GALNT9: variants seen among roughly 807,000 people sequenced by gnomAD.
The protein encoded by GALNT9 is GalNAc transferase 9.
GALNT9 carries 47 observed loss-of-function variants against 63.1 expected under a neutral mutation model. The ratio of observed to expected loss-of-function variants is 0.75; its 90% confidence interval spans 0.59 to 0.95. GALNT9 has a LOEUF of 0.95. GALNT9 is among the 40% of genes least tolerant of loss of function. GALNT9 has a pLI of 0.00. For missense variants in GALNT9, 829 were observed against 874.8 expected (o/e 0.95, Z 0.66); for synonymous variants, 396 against 365.7 (o/e 1.08, Z -0.94).
chr12:132,320,123 T>A, intron 1 of GALNT9, among the ~76,000 whole-genome samples: 1 of 152,208 alleles, frequency 6.6e-6, no homozygotes, highest in South Asian at 2.1e-4. Context: ...TGCAGCGACA[T>A]CCCCAAGTCC....
In GALNT9 at chr12:132,238,097, C is replaced by T. The variant is rs192986428; in HGVS notation, c.1077+9813G>A. ...TGTTTCCTGTGGCTGCCGTCCGCCA[C>T]GAATTCCACAGCTCGGTGGCTTGAA... On this transcript the variant is annotated intron_variant, in intron 6 of 10. Transcript: ENST00000328957. This position sits in a 1 kb window ranked among gnomAD's most constrained non-coding sequence, Gnocchi z 6.5. Among the ~76,000 whole-genome samples, 2 of 152,324 alleles carry T rather than the reference C, an allele frequency of 1.3e-5. No homozygotes were observed. The highest frequency in any genetic ancestry group is 6.5e-5 in the Admixed American group (1 of 15,298).
At position 132,286,144 on chromosome 12, in the gene GALNT9, G is replaced by A. The variant is rs566159187; in HGVS notation, c.419+106C>T. ...CACTTCCCTGGCGGGCGTGGGGGCC[G>A]CTCACTTCCCCGGCCGGCGTGGGGG... On this transcript the variant is annotated intron_variant, in intron 2 of 10. Coordinates refer to ENST00000328957, the MANE Select transcript of GALNT9 (RefSeq NM_001122636.2). This position sits in a 1 kb window ranked among gnomAD's most constrained non-coding sequence, Gnocchi z 7.4. 47 of 1,331,434 alleles carry A rather than the reference G, an allele frequency of 3.5e-5. 1 individual carries two copies. The African/African-American group carries it at 5.6e-4, about 16-fold the overall frequency. The allele number at this position is 1,331,434 out of a possible 1,614,324, so 82.5% of individuals were successfully genotyped here.
intron 6 of GALNT9, among the ~76,000 whole-genome samples, chr12:132,220,902 C>A (rs776655699): frequency 5.3e-4 from 79 of 149,936 alleles, no homozygotes; most frequent in Non-Finnish European, 4.1e-4. Context: ...ACTAAAAATA[C>A]AAAAATTAGC....
chr12:132,253,379 C>T lies in GALNT9; in HGVS notation c.959+4310G>A, dbSNP rs571796458. On this transcript the variant is annotated intron_variant, in intron 5 of 10. Coordinates refer to ENST00000328957, the MANE Select transcript of GALNT9 (RefSeq NM_001122636.2). ...CAGTCTGCTAAGTAACAGGTGCCTTCCCAGACACTGGCGTTACCGCTTGAC... is the reference window on the plus strand; with the variant it reads ...CAGTCTGCTAAGTAACAGGTGCCTTTCCAGACACTGGCGTTACCGCTTGAC... Among the ~76,000 whole-genome samples, 723 of 152,016 alleles carry T rather than the reference C, an allele frequency of 4.8e-3. 5 individuals are homozygous for T. Among genetic ancestry groups the T allele is most frequent in the African/African-American group, 0.016 (657 of 41,450 alleles).
Position 132,208,610 on chromosome 12 carries a change from G to A in GALNT9, c.1078-4920C>T, listed in dbSNP as rs116699517. 4.0e-3 allele frequency among the ~76,000 whole-genome samples: 607 copies of A among 152,236 alleles called. 3 individuals are homozygous for A. Among genetic ancestry groups the A allele is most frequent in the African/African-American group, 0.014 (572 of 41,546 alleles). On this transcript the variant is annotated intron_variant, in intron 6 of 10. Transcript: ENST00000328957. Reference sequence around the variant, plus strand: ...AGACCATGTGGAGCAGAGAGAAGCCGCCCAGCTGAGCCCATTCCTCCCCAC... The same window carrying A: ...AGACCATGTGGAGCAGAGAGAAGCCACCCAGCTGAGCCCATTCCTCCCCAC...
intron 8 of GALNT9, chr12:132,200,801 T>A: frequency 2.8e-6 from 1 of 354,378 alleles, no homozygotes; most frequent in South Asian, 3.4e-5. Flanking sequence ...TGAACACGCA[T>A]GGATGTGACT....
At chr12:132,299,779 C>G (rs373566340) in intron 1 of GALNT9, among the ~76,000 whole-genome samples, 22 of 129,676 alleles carry the variant, frequency 1.7e-4, no homozygotes, top group South Asian at 5.7e-4. Flanking sequence ...AGATGACCAA[C>G]CCACTCCTGA....
intron 6 of GALNT9, among the ~76,000 whole-genome samples, chr12:132,211,177 C>A (rs972586087): frequency 2.6e-5 from 4 of 152,190 alleles, no homozygotes; most frequent in African/African-American, 9.7e-5. Context: ...CAACCAACTA[C>A]CGCTTCTGCA....
At position 132,240,743 on chromosome 12, in the gene GALNT9, GA is replaced by G. The variant is rs2136899378; in HGVS notation, c.1077+7166del. Reference sequence around the variant, plus strand: ...CCTTCTGTTTCCTGGGAAGTTACCAGAACCTGATCACCAGCAGAATTGGAAT... The same window carrying G: ...CCTTCTGTTTCCTGGGAAGTTACCAGACCTGATCACCAGCAGAATTGGAAT... On this transcript the variant is annotated intron_variant, in intron 6 of 10. Coordinates refer to ENST00000328957, the MANE Select transcript of GALNT9 (RefSeq NM_001122636.2). 4 of 455,616 alleles carry G rather than the reference GA, an allele frequency of 8.8e-6. No homozygotes were observed. The East Asian group carries it at 2.8e-4, about 32-fold the overall frequency. The allele number at this position is 455,616 out of a possible 1,614,324, so 28.2% of individuals were successfully genotyped here.
At chr12:132,280,234 A>G (rs1398356688) in intron 2 of GALNT9, 1 of 152,140 alleles carries the variant, frequency 6.6e-6, no homozygotes, top group Non-Finnish European at 1.5e-5. Flanking sequence ...GCCATTTCTA[A>G]TTGGATTTTA....
chr12:132,206,545 G>T (rs1016448593), intron 6 of GALNT9, among the ~76,000 whole-genome samples: 4 of 152,030 alleles, frequency 2.6e-5, no homozygotes, highest in Non-Finnish European at 2.9e-5. Flanking sequence ...TACTCAGGAG[G>T]CTGAAACATG....
chr12:132,286,061 C>G lies in GALNT9; in HGVS notation c.419+189G>C, dbSNP rs1212057794. 6.6e-6 allele frequency among the ~76,000 whole-genome samples: 1 copy of G among 151,820 alleles called. No homozygotes were observed. The highest frequency in any genetic ancestry group is 2.4e-5 in the African/African-American group (1 of 41,334). On this transcript the variant is annotated intron_variant, in intron 2 of 10. Transcript: ENST00000328957. This position sits in a 1 kb window ranked among gnomAD's most constrained non-coding sequence, Gnocchi z 7.4. Reference sequence around the variant, plus strand: ...AGTCCCCGGCCAGCACGGGGGAGCGCTCACTTTCCCGGCCAGCGTGGGGGG... The same window carrying G: ...AGTCCCCGGCCAGCACGGGGGAGCGGTCACTTTCCCGGCCAGCGTGGGGGG...
chr12:132,257,809 C>A lies in GALNT9; in HGVS notation c.839G>T (p.Ser280Ile), dbSNP rs1306798524. 6.5e-6 allele frequency: 10 copies of A among 1,550,290 alleles called. No individual in the cohort carries two copies. The highest frequency in any genetic ancestry group is 8.7e-6 in the Non-Finnish European group (10 of 1,146,852). Reference sequence around the variant, plus strand: ...CGCATACTGCTGCACCTCAAACGTGCTGTACTTGATGTTGTCGATGGCTGG... The same window carrying A: ...CGCATACTGCTGCACCTCAAACGTGATGTACTTGATGTTGTCGATGGCTGG... ...VLPAIDNIKY[S>I]TFEVQQYANA... The change falls in exon 5 of 11, where the codon AGC (serine) becomes ATC (isoleucine). Residue 280 changes from serine (S) to isoleucine (I), a missense_variant. Physicochemically the swap from Ser to Ile is moderately radical, Grantham distance 142 (BLOSUM62 -2). Transcript: ENST00000328957.
chr12:132,305,794 G>A lies in GALNT9; in HGVS notation c.239-19364C>T, dbSNP rs77466957. 6.9e-3 allele frequency among the ~76,000 whole-genome samples: 1,057 copies of A among 152,324 alleles called. 6 individuals carry two copies. Among genetic ancestry groups the A allele is most frequent in the African/African-American group, 0.024 (1,001 of 41,566 alleles). ...TGAGAGGGAAGCCAGTGAGGCCCTC[G>A]GGTGGAGAGCGCGGCCCGAGTGCAG... On this transcript the variant is annotated intron_variant, in intron 1 of 10. Transcript: ENST00000328957.
intron 1 of GALNT9, among the ~76,000 whole-genome samples, chr12:132,300,529 T>G (rs1393263245): frequency 1.4e-5 from 2 of 139,792 alleles, no homozygotes; most frequent in Non-Finnish European, 3.1e-5. Context: ...AAGCCACTCC[T>G]GAGATAACTC....
chr12:132,211,601 C>T (rs1258797329), intron 6 of GALNT9, among the ~76,000 whole-genome samples: 1 of 152,186 alleles, frequency 6.6e-6, no homozygotes, highest in Non-Finnish European at 1.5e-5. Flanking sequence ...TCTCGTCCAC[C>T]TGGCCATTCT....
At chr12:132,297,820 T>G (rs1425057905) in intron 1 of GALNT9, among the ~76,000 whole-genome samples, 1 of 149,610 alleles carries the variant, frequency 6.7e-6, no homozygotes, top group Non-Finnish European at 1.5e-5. Flanking sequence ...ACCAACTCAC[T>G]CCCAAGAAAA....
chr12:132,315,072 G>A lies in GALNT9; in HGVS notation c.238+13894C>T, dbSNP rs1868433499. On this transcript the variant is annotated intron_variant, in intron 1 of 10. Coordinates refer to ENST00000328957, the MANE Select transcript of GALNT9 (RefSeq NM_001122636.2). This position sits in a 1 kb window ranked among gnomAD's most constrained non-coding sequence, Gnocchi z 6.1. ...TTACAGATGAGGAAGCTGAGGAGCG[G>A]GAGACTGGGCGGCCTGACGGAGGTG... Among the ~76,000 whole-genome samples, 1 of 152,204 alleles carries A rather than the reference G, an allele frequency of 6.6e-6. No individual in the cohort carries two copies. Among genetic ancestry groups the A allele is most frequent in the Non-Finnish European group, 1.5e-5 (1 of 68,034 alleles).
chr12:132,269,390 G>GAGCAGAGGAAGGGGCAGGAGGTC (rs1555240523), intron 2 of GALNT9, among the ~76,000 whole-genome samples: 1 of 152,246 alleles, frequency 6.6e-6, no homozygotes, highest in African/African-American at 2.4e-5. Flanking sequence ...CCGCCAGGCG[G>GAGCAGAGGAAGGGGCAGGAGGTC]AGCAGAGGAA....
Sources: allele counts gnomAD v4.1 joint callset (sites outside exome capture counted in the v4.1 genomes callset), GRCh38; gene constraint gnomAD v4.1.1; non-coding constraint Gnocchi (gnomAD v3.1); transcripts MANE v1.5; gene names NCBI Gene and HGNC (gene_info 2026-07-23, HGNC 2026-07-21).